Variants in PSMD9 observed in about 807,000 individuals in gnomAD.
The protein encoded by PSMD9 is proteasome 26S subunit, non-ATPase 9, also known as 26S proteasome non-ATPase regulatory subunit 9.
PSMD9 carries 26 observed loss-of-function variants against 25.9 expected under a neutral mutation model. The observed-to-expected ratio is 1.00, with a 90% confidence interval of 0.73 to 1.39. The LOEUF is 1.39. PSMD9 is among the 40% of genes most tolerant of loss of function. The probability of loss-of-function intolerance (pLI) is 0.00; values close to 1 mark genes in which losing one functional copy is unlikely to be tolerated. For synonymous variants in PSMD9, 110 were observed against 114.5 expected (o/e 0.96, Z 0.25); for missense variants, 303 against 299.3 (o/e 1.01, Z -0.09).
chr12:121,907,070 CTTT>C (rs1879582064), intron 4 of PSMD9, among the ~76,000 whole-genome samples: 1 of 150,960 alleles, frequency 6.6e-6, no homozygotes, highest in African/African-American at 2.4e-5. Context: ...ATTTCTATTT[CTTT>C]TTTTATTTTT....
chr12:121,899,835 C>T lies in PSMD9; in HGVS notation c.443C>T (p.Ala148Val), dbSNP rs530013451. ...AACAGCATCAGCCCCGGCTCCCCAG[C>T]CAGCATCGCGGTAATCCAGGGGTTG... ...KVNSISPGSP[A>V]SIAGLQVDDE... The change falls in exon 3 of 6, where the codon GCC (alanine) becomes GTC (valine). Residue 148 changes from alanine to valine, a missense_variant. Physicochemically the swap from Ala to Val is moderately conservative, Grantham distance 64 (BLOSUM62 0). Transcript: ENST00000541212. 3.7e-5 allele frequency: 60 copies of T among 1,613,902 alleles called. No individual in the cohort carries two copies. The South Asian group carries it at 6.5e-4, about 17-fold the overall frequency.
chr12:121,896,123 C>CA (rs1203600148), intron 2 of PSMD9, among the ~76,000 whole-genome samples: 1,186 of 94,594 alleles, frequency 0.013, 5 homozygotes, highest in East Asian at 0.032. Context: ...GAGACCGTCT[C>CA]AAAAAAAAAA....
intron 2 of PSMD9, chr12:121,897,573 T>A (rs1247307064): frequency 1.4e-5 from 2 of 144,224 alleles, no homozygotes; most frequent in Non-Finnish European, 3.0e-5. Flanking sequence ...TTTAGTAGTA[T>A]TTTTTTAGTA....
Position 121,894,818 on chromosome 12 carries a change from G to T in PSMD9, c.218G>T (p.Arg73Leu), listed in dbSNP as rs756680019. 1 of 1,613,470 alleles carries T rather than the reference G, an allele frequency of 6.2e-7. No homozygotes were observed. The highest frequency in any genetic ancestry group is 8.5e-7 in the Non-Finnish European group (1 of 1,179,764). ...TCAGACGTGGACCTGTACCAAGTCC[G>T]CACCGCCAGGCACAACATCATATGT... ...PRSDVDLYQV[R>L]TARHNIICLQ... Residue 73 changes from arginine (R) to leucine (L), a missense_variant, in exon 2 of 6, where the codon CGC becomes CTC. By Grantham distance (102) the Arg-to-Leu change is moderately radical (BLOSUM62 -2). Transcript: ENST00000541212.
chr12:121,912,828 A>G (rs1370992023), intron 4 of PSMD9, among the ~76,000 whole-genome samples: 3 of 146,798 alleles, frequency 2.0e-5, no homozygotes, highest in African/African-American at 7.5e-5. Context: ...GGATTGCATC[A>G]CTACACTCCA....
At position 121,888,839 on chromosome 12, in the gene PSMD9, C is replaced by T. The variant is rs1464019676; in HGVS notation, c.-18C>T. On this transcript the variant is annotated 5_prime_UTR_variant, in exon 1 of 6. Transcript: ENST00000541212. The stretch of plus-strand genomic sequence containing the variant: ...AGCCCGGGAGCCGGGTCTCTGGAGT[C>T]GCGGCCCGGGGTTCACGATGTCCGA... The T allele has an allele frequency of 1.3e-6, 2 of 1,596,388 alleles. No homozygotes were observed. Among genetic ancestry groups the T allele is most frequent in the African/African-American group, 1.3e-5 (1 of 74,700 alleles).
At chr12:121,891,142 A>T (rs1161394330) in intron 1 of PSMD9, among the ~76,000 whole-genome samples, 13 of 147,864 alleles carry the variant, frequency 8.8e-5, no homozygotes, top group Non-Finnish European at 1.9e-4. Flanking sequence ...AAATTTTTTT[A>T]AAAATTAGTT....
chr12:121,898,063 G>A (rs1165041513), intron 2 of PSMD9: 1 of 152,170 alleles, frequency 6.6e-6, no homozygotes, highest in African/African-American at 2.4e-5. Flanking sequence ...CTTTTCTAGT[G>A]AAAGTGACCA....
At position 121,888,801 on chromosome 12, in the gene PSMD9, G is replaced by C; in HGVS notation, c.-56G>C. The C allele has an allele frequency of 1.9e-6, 3 of 1,560,774 alleles. No individual in the cohort carries two copies. Among genetic ancestry groups the C allele is most frequent in the Non-Finnish European group, 1.7e-6 (2 of 1,153,500 alleles). ...GCGGAGCCGTAGTTACGGTCGACTG[G>C]GGCGTCGTCCCTAGCCCGGGAGCCG... On this transcript the variant is annotated 5_prime_UTR_variant, in exon 1 of 6. Transcript: ENST00000541212.
chr12:121,906,417 C>A (rs1879556031), intron 4 of PSMD9, among the ~76,000 whole-genome samples: 1 of 152,084 alleles, frequency 6.6e-6, no homozygotes, highest in Non-Finnish European at 1.5e-5. Flanking sequence ...CACCTGTAAT[C>A]CCAGCACTTT....
chr12:121,909,662 T>C (rs76157271), intron 4 of PSMD9, among the ~76,000 whole-genome samples: 38,260 of 152,040 alleles, frequency 0.25, 5,950 homozygotes, highest in East Asian at 0.51. Flanking sequence ...AAAGGCCTAA[T>C]GTACATGTTA....
chr12:121,896,218 C>T (rs928519085), intron 2 of PSMD9, among the ~76,000 whole-genome samples: 2 of 151,996 alleles, frequency 1.3e-5, no homozygotes, highest in Non-Finnish European at 2.9e-5. Flanking sequence ...GCCTGTAATC[C>T]CAGCACTTTG....
intron 1 of PSMD9, among the ~76,000 whole-genome samples, chr12:121,891,765 G>C (rs915053905): frequency 3.2e-4 from 49 of 151,842 alleles, no homozygotes; most frequent in African/African-American, 1.2e-3. Flanking sequence ...AATTAGCCAG[G>C]TGTGGTGGTA....
intron 1 of PSMD9, chr12:121,894,531 C>T (rs1008632780): frequency 7.1e-5 from 38 of 536,074 alleles, no homozygotes; most frequent in Middle Eastern, 5.0e-4. Flanking sequence ...GCATTACTTG[C>T]GTCGTTAAAA....
chr12:121,890,855 G>A (rs1879050827), intron 1 of PSMD9, among the ~76,000 whole-genome samples: 1 of 152,072 alleles, frequency 6.6e-6, no homozygotes, highest in Non-Finnish European at 1.5e-5. Context: ...AAGGTCAGAT[G>A]CTTTGCATGT....
At chr12:121,908,098 AG>A (rs1167837107) in intron 4 of PSMD9, 1 of 152,162 alleles carries the variant, frequency 6.6e-6, no homozygotes, top group Non-Finnish European at 1.5e-5. Context: ...TACAAACAAA[AG>A]TCCTAGTGTT....
At chr12:121,912,988 G>C (rs1592950949) in intron 4 of PSMD9, among the ~76,000 whole-genome samples, 1 of 148,710 alleles carries the variant, frequency 6.7e-6, no homozygotes, top group Non-Finnish European at 1.5e-5. Flanking sequence ...CCAGGCTGGA[G>C]TGCAGTGGCA....
chr12:121,889,689 G>C (rs1462600253), intron 1 of PSMD9, among the ~76,000 whole-genome samples: 1 of 152,124 alleles, frequency 6.6e-6, no homozygotes, highest in African/African-American at 2.4e-5. Flanking sequence ...TTACAAATAA[G>C]GCTCATCATC....
At chr12:121,899,385 A>C (rs778965447) in intron 2 of PSMD9, 3 of 491,618 alleles carry the variant, frequency 6.1e-6, no homozygotes, top group East Asian at 3.4e-5. Flanking sequence ...TAGCGAGGGC[A>C]GACTTTGCTG....
Sources: gnomAD v4.1 joint callset for allele counts (sites outside exome capture counted in the v4.1 genomes callset) on GRCh38, gnomAD v4.1.1 for gene constraint, MANE v1.5 for transcripts, NCBI Gene and HGNC (gene_info 2026-07-23, HGNC 2026-07-21) for gene names.